The following ZNF729 variants were observed in gnomAD, a reference collection of about 807,000 sequenced individuals.
ZNF729 encodes the protein zinc finger protein 729.
ZNF729 carries 15 observed loss-of-function variants against 12.2 expected under a neutral mutation model. The observed-to-expected ratio is 1.23, with a 90% CI of 0.82 to 1.89. The LOEUF is 1.89. ZNF729 is among the 40% of genes most tolerant of loss of function. ZNF729 has a pLI of 0.00. For synonymous variants in ZNF729, 492 were observed against 476.3 expected, an observed-to-expected ratio of 1.03 and a Z score of -0.43; for missense variants, 1,540 against 1,456.7, an observed-to-expected ratio of 1.06 and a Z score of -0.93.
chr19:22,298,134 A>G (rs959852684), intron 1 of ZNF729, among the ~76,000 whole-genome samples: 1 of 152,050 alleles, frequency 6.6e-6, no homozygotes, highest in African/African-American at 2.4e-5. Flanking sequence ...TATACAAGGT[A>G]TTAGCATAGT....
chr19:22,299,344 C>T (rs1284287039), intron 1 of ZNF729: 1 of 152,236 alleles, frequency 6.6e-6, no homozygotes, highest in African/African-American at 2.4e-5. Flanking sequence ...ATTTTCCTGC[C>T]TCAGCCTCCC....
intron 1 of ZNF729, among the ~76,000 whole-genome samples, chr19:22,301,960 C>T (rs545983752): frequency 6.6e-6 from 1 of 152,428 alleles, no homozygotes; most frequent in African/African-American, 2.4e-5. Context: ...CCTGGCTCAT[C>T]ATTGGGTCAT....
intron 1 of ZNF729, among the ~76,000 whole-genome samples, chr19:22,288,788 G>T (rs1968114301): frequency 6.6e-6 from 1 of 152,026 alleles, no homozygotes; most frequent in Admixed American, 6.6e-5. Flanking sequence ...CTCTAAGGGG[G>T]CAAAACAATA....
intron 3 of ZNF729, among the ~76,000 whole-genome samples, chr19:22,306,783 AC>A (rs1233553622): frequency 6.6e-6 from 1 of 151,410 alleles, no homozygotes; most frequent in Non-Finnish European, 1.5e-5. Flanking sequence ...ATGCAGATTT[AC>A]ATTTTGTTTT....
chr19:22,309,835 A>T (rs904523083), intron 3 of ZNF729, among the ~76,000 whole-genome samples: 1 of 151,994 alleles, frequency 6.6e-6, no homozygotes, highest in Non-Finnish European at 1.5e-5. Context: ...CTACTCATCG[A>T]TGAGCATGGG....
At chr19:22,312,477 T>TGTGTGTGTG (rs1491132977) in intron 3 of ZNF729, among the ~76,000 whole-genome samples, 16 of 147,242 alleles carry the variant, frequency 1.1e-4, no homozygotes, top group Admixed American at 1.4e-4. Context: ...TGTGTGTGTG[T>TGTGTGTGTG]TTAGATAAAG....
intron 1 of ZNF729, among the ~76,000 whole-genome samples, chr19:22,297,117 A>C (rs1340387146): frequency 1.3e-5 from 2 of 152,176 alleles, no homozygotes. Flanking sequence ...TGCTGAATTT[A>C]GGTTTAAATA....
Position 22,317,094 on chromosome 19 carries a change from G to C in ZNF729, c.3677G>C (p.Ser1226Thr). ...TNVKKVPKLLSNPHTLLDKTI... is the reference protein window; with the variant it reads ...TNVKKVPKLLTNPHTLLDKTI... The stretch of plus-strand genomic sequence containing the variant: ...GTGAAGAAAGTACCAAAGCTTTTAA[G>C]CAATCCTCACACCTTACTAGACAAA... Residue 1226 changes from serine (S) to threonine (T), a missense_variant, in exon 4 of 4, where the codon AGC (serine) becomes ACC (threonine). By Grantham distance (58) the Ser-to-Thr change is moderately conservative. Transcript: ENST00000601693. The C allele has an allele frequency of 6.3e-7, 1 of 1,596,980 alleles. No individual in the cohort carries two copies.
intron 1 of ZNF729, among the ~76,000 whole-genome samples, chr19:22,293,031 T>C (rs1158059132): frequency 6.6e-6 from 1 of 152,212 alleles, no homozygotes; most frequent in Non-Finnish European, 1.5e-5. Context: ...CATGTTATTT[T>C]TTGACTTTGT....
At chr19:22,306,677 TCTC>T (rs1187257238) in intron 3 of ZNF729, among the ~76,000 whole-genome samples, 4 of 151,304 alleles carry the variant, frequency 2.6e-5, no homozygotes, top group African/African-American at 9.7e-5. Context: ...TATGTTTTAA[TCTC>T]ATAACAATTT....
intron 1 of ZNF729, among the ~76,000 whole-genome samples, chr19:22,290,895 A>T (rs1968143421): frequency 6.6e-6 from 1 of 152,082 alleles, no homozygotes; most frequent in South Asian, 2.1e-4. Flanking sequence ...TAAACTGATA[A>T]ATGTAACTAG....
chr19:22,315,503 T>G lies in ZNF729; in HGVS notation c.2086T>G (p.Phe696Val), dbSNP rs1443678763. Residue 696 changes from phenylalanine (F) to valine (V), a missense_variant, in exon 4 of 4, where the codon TTC becomes GTC. By Grantham distance (50) the Phe-to-Val change is conservative. Transcript: ENST00000601693. ...AGAATGTGGCAAAGCTTTTAGCCAT[T>G]TCTCAGCCCTTAGAAGACATAAGAT... is the stretch of plus-strand genomic sequence containing the variant. ...CEECGKAFSH[F>V]SALRRHKIIH... 1.2e-6 allele frequency: 2 copies of G among 1,611,954 alleles called. No homozygotes were observed. The highest frequency in any genetic ancestry group is 1.7e-6 in the Non-Finnish European group (2 of 1,179,702).
chr19:22,310,882 C>T (rs902841633), intron 3 of ZNF729, among the ~76,000 whole-genome samples: 5 of 152,078 alleles, frequency 3.3e-5, no homozygotes, highest in African/African-American at 1.2e-4. Flanking sequence ...TGTTATTGGT[C>T]TGTTCAGGGT....
In ZNF729 at chr19:22,304,782, A is replaced by G; in HGVS notation, c.252A>G (p.Pro84=). The part of the protein sequence containing the change: ...MKRHEMVTKP[P]VMRSHFTQDL... Reference sequence around the variant, plus strand: ...GACATGAGATGGTAACTAAACCCCCAGGTATGTGAGAGTGAATACAACAGA... The same window carrying G: ...GACATGAGATGGTAACTAAACCCCCGGGTATGTGAGAGTGAATACAACAGA... Residue 84 remains proline, a splice_region_variant and synonymous_variant, in exon 3 of 4, where the codon CCA becomes CCG. Transcript: ENST00000601693. 6.2e-7 allele frequency: 1 copy of G among 1,612,392 alleles called. No individual in the cohort carries two copies. The highest frequency in any genetic ancestry group is 8.5e-7 in the Non-Finnish European group (1 of 1,179,246).
chr19:22,307,418 A>G (rs1968392871), intron 3 of ZNF729, among the ~76,000 whole-genome samples: 1 of 150,630 alleles, frequency 6.6e-6, no homozygotes, highest in Non-Finnish European at 1.5e-5. Flanking sequence ...TTAAAGTAAA[A>G]TAATTTCTGA....
intron 1 of ZNF729, among the ~76,000 whole-genome samples, chr19:22,295,396 T>C (rs1968216245): frequency 6.9e-6 from 1 of 145,318 alleles, no homozygotes. Flanking sequence ...TTTCTTTTTT[T>C]TTTTTTTTTT....
At chr19:22,291,970 G>A (rs1486387072) in intron 1 of ZNF729, among the ~76,000 whole-genome samples, 1 of 152,160 alleles carries the variant, frequency 6.6e-6, no homozygotes, top group East Asian at 1.9e-4. Flanking sequence ...CTGATCTCGT[G>A]ATCCGCCCAC....
In ZNF729 at chr19:22,316,402, A is replaced by T. The variant is rs1461823361; in HGVS notation, c.2985A>T (p.Glu995Asp). 3 of 1,613,762 alleles carry T rather than the reference A, an allele frequency of 1.9e-6. No homozygotes were observed. The highest frequency in any genetic ancestry group is 8.5e-7 in the Non-Finnish European group (1 of 1,179,742). The change falls in exon 4 of 4, where the codon GAA becomes GAT. Residue 995 changes from glutamate to aspartate, a missense_variant. Coordinates refer to ENST00000601693, the MANE Select transcript of ZNF729 (RefSeq NM_001242680.2). ...IHTGEKPYKC[E>D]ECGKDFNNSS... ...CTGGGGAGAAACCCTACAAATGCGAAGAATGTGGCAAAGATTTTAACAATT... is the reference window on the plus strand; with the variant it reads ...CTGGGGAGAAACCCTACAAATGCGATGAATGTGGCAAAGATTTTAACAATT...
At chr19:22,287,684 T>TTTC (rs1555783029) in intron 1 of ZNF729, among the ~76,000 whole-genome samples, 1 of 151,266 alleles carries the variant, frequency 6.6e-6, no homozygotes, top group African/African-American at 2.4e-5. Flanking sequence ...TTTTTTTTTT[T>TTTC]CCCTTGCATT....
Sources: allele counts gnomAD v4.1 joint callset (sites outside exome capture counted in the v4.1 genomes callset), GRCh38; gene constraint gnomAD v4.1.1; transcripts MANE v1.5; gene names NCBI Gene and HGNC (gene_info 2026-07-23, HGNC 2026-07-21).